Variants in ALDH1L1 observed in about 807,000 individuals in gnomAD.
ALDH1L1 encodes the protein cytosolic 10-formyltetrahydrofolate dehydrogenase.
A neutral mutation model predicts 101.1 loss-of-function variants in ALDH1L1; 68 were observed. The observed-to-expected ratio is 0.67, with a 90% CI of 0.55 to 0.82. The LOEUF (loss-of-function observed/expected upper bound fraction) is 0.82. ALDH1L1 is among the 40% of genes least tolerant of loss of function. The probability of loss-of-function intolerance (pLI) is 0.00; values close to 1 mark genes in which losing one functional copy is unlikely to be tolerated. For missense variants in ALDH1L1, 1,087 were observed against 1,172.7 expected, an observed-to-expected ratio of 0.93 and a Z score of 1.07; for synonymous variants, 486 against 470.8, an observed-to-expected ratio of 1.03 and a Z score of -0.42.
chr3:126,136,667 A>G, intron 11 of ALDH1L1, 97 bp downstream of exon 11: 6 of 1,506,028 alleles, frequency 4.0e-6, no homozygotes, highest in Non-Finnish European at 4.5e-6. Context: ...CCAAGCAGAG[A>G]CTCTCAGGGT....
chr3:126,127,747 C>T (rs1009560231), intron 14 of ALDH1L1, among the ~76,000 whole-genome samples: 6 of 152,132 alleles, frequency 3.9e-5, no homozygotes, highest in African/African-American at 7.2e-5. Flanking sequence ...TCTGGCACCG[C>T]GTGCAGGCAC....
In ALDH1L1 at chr3:126,135,639, G is replaced by A. The variant is rs1224650688; in HGVS notation, c.1368C>T (p.Ala456=). ...CTGCCTTGTCGACGTCGGTGACTTG[G>A]GCCAGGGATACCTGGCAGATGACCT... ...DGSVICQVSL[A]QVTDVDKAVA... is the part of the protein sequence containing the mutation. Residue 456 remains alanine (A), a synonymous_variant, in exon 12 of 23, where the codon GCC becomes GCT. Transcript: ENST00000393434. 3.2e-6 allele frequency: 5 copies of A among 1,573,242 alleles called. No homozygotes were observed. The East Asian group carries it at 1.2e-4, about 38-fold the overall frequency.
intron 14 of ALDH1L1, among the ~76,000 whole-genome samples, chr3:126,126,754 C>T (rs912097386): frequency 6.6e-6 from 1 of 152,208 alleles, no homozygotes. Context: ...CTCCCCAATT[C>T]GTATGCTGAA....
chr3:126,161,119 G>T, intron 1 of ALDH1L1, 117 bp from the exon 2 acceptor site: 2 of 1,239,876 alleles, frequency 1.6e-6, no homozygotes, highest in Non-Finnish European at 2.2e-6. Context: ...TCCCCTCTGT[G>T]GCTCTGTGGG....
chr3:126,165,495 T>C (rs761379775), intron 1 of ALDH1L1, among the ~76,000 whole-genome samples: 7 of 152,164 alleles, frequency 4.6e-5, no homozygotes, highest in Non-Finnish European at 8.8e-5. Flanking sequence ...TTCAATAGGA[T>C]TGGTGTCATT....
chr3:126,111,708 T>C (rs1197183496), intron 19 of ALDH1L1, among the ~76,000 whole-genome samples: 4 of 152,176 alleles, frequency 2.6e-5, no homozygotes, highest in Non-Finnish European at 5.9e-5. Context: ...TCATAGGCCG[T>C]CTTTTTCCCT....
At chr3:126,175,021 G>C (rs1196925789) in intron 1 of ALDH1L1, among the ~76,000 whole-genome samples, 1 of 152,034 alleles carries the variant, frequency 6.6e-6, no homozygotes, top group Non-Finnish European at 1.5e-5. Flanking sequence ...AAGAAAAAGA[G>C]AGAAGACTCA....
intron 1 of ALDH1L1, 188 bp downstream of exon 1, chr3:126,180,288 C>T (rs1267943931): frequency 8.2e-6 from 2 of 244,676 alleles, no homozygotes; most frequent in East Asian, 3.6e-4. Flanking sequence ...GCCTCAATTG[C>T]TCCAAAGAAC....
At chr3:126,173,093 A>G (rs753117973) in intron 1 of ALDH1L1, among the ~76,000 whole-genome samples, 1 of 152,226 alleles carries the variant, frequency 6.6e-6, no homozygotes, top group African/African-American at 2.4e-5. Context: ...GCCTTACAAG[A>G]TATGTTAAAA....
upstream of ALDH1L1, chr3:126,181,111 A>G: frequency 9.8e-7 from 1 of 1,016,652 alleles, no homozygotes; most frequent in Non-Finnish European, 1.5e-6. Context: ...TCTCCGAGAG[A>G]AAAACAGCCC....
At chr3:126,182,971 T>C (rs2081489434), upstream of ALDH1L1, among the ~76,000 whole-genome samples, 1 of 152,126 alleles carries the variant, frequency 6.6e-6, no homozygotes, top group Admixed American at 6.5e-5. Flanking sequence ...AAAGGAACCA[T>C]AACTTGGGCT....
At chr3:126,172,624 A>G (rs1383368182) in intron 1 of ALDH1L1, among the ~76,000 whole-genome samples, 2 of 152,220 alleles carry the variant, frequency 1.3e-5, no homozygotes, top group Non-Finnish European at 2.9e-5. Flanking sequence ...TAGGGATATC[A>G]GATGGAATAA....
intron 1 of ALDH1L1, among the ~76,000 whole-genome samples, chr3:126,190,939 G>A (rs763612668): frequency 6.6e-6 from 1 of 152,228 alleles, no homozygotes; most frequent in Non-Finnish European, 1.5e-5. Context: ...AGGTTAGGCT[G>A]ATTTAAATTG....
At chr3:126,175,907 T>A (rs1317455858) in intron 1 of ALDH1L1, among the ~76,000 whole-genome samples, 1 of 152,172 alleles carries the variant, frequency 6.6e-6, no homozygotes, top group Non-Finnish European at 1.5e-5. Flanking sequence ...AAACTGTTCT[T>A]GTTCTCAAAA....
intron 1 of ALDH1L1, among the ~76,000 whole-genome samples, chr3:126,188,553 C>A (rs1310468160): frequency 6.6e-6 from 1 of 152,126 alleles, no homozygotes; most frequent in African/African-American, 2.4e-5. Context: ...ATTTAACAAC[C>A]CCTTCCTTTT....
chr3:126,134,325 C>T lies in ALDH1L1; in HGVS notation c.1472+1210G>A, dbSNP rs945545152. 5.3e-5 allele frequency among the ~76,000 whole-genome samples: 8 copies of T among 152,322 alleles called. No individual in the cohort carries two copies. The South Asian group carries it at 1.7e-3, about 32-fold the overall frequency. On this transcript the variant is annotated intron_variant, in intron 12 of 22. Coordinates refer to ENST00000393434, the MANE Select transcript of ALDH1L1 (RefSeq NM_012190.4). ...GAGTAGAATCTGTTATGATACAAGC[C>T]ACCAGATGGCAGCAGAGGCCAAGGG...
intron 16 of ALDH1L1, among the ~76,000 whole-genome samples, chr3:126,122,087 A>T (rs2080090831): frequency 6.6e-6 from 1 of 152,228 alleles, no homozygotes. Context: ...TACATCTAGC[A>T]ATACTGTGTT....
chr3:126,135,581 G>A lies in ALDH1L1; in HGVS notation c.1426C>T (p.Arg476Trp), dbSNP rs200654935. The change falls in exon 12 of 23, where the codon CGG becomes TGG. Residue 476 changes from arginine (R) to tryptophan (W), a missense_variant. Arg to Trp is a moderately radical substitution (Grantham distance 101, BLOSUM62 -3). This residue lies in a region of ALDH1L1 where 645 missense variants were observed against 637.0 expected (regional missense o/e 1.01). Transcript: ENST00000393434. ...AAAKDAFENGRWGKISARDRG... is the reference protein window; with the variant it reads ...AAAKDAFENGWWGKISARDRG... ...TCCCGCGCACTGATCTTCCCCCACC[G>A]TCCATTCTCAAAGGCATCCTTGGCT... is the stretch of plus-strand genomic sequence containing the variant. The A allele has an allele frequency of 4.5e-5, 72 of 1,600,886 alleles. No homozygotes were observed. Among genetic ancestry groups the A allele is most frequent in the South Asian group, 2.4e-4 (21 of 88,986 alleles).
chr3:126,197,506 A>T (rs2081588267), intron 1 of ALDH1L1, among the ~76,000 whole-genome samples: 1 of 152,192 alleles, frequency 6.6e-6, no homozygotes, highest in Admixed American at 6.5e-5. Flanking sequence ...AGTCAGATGT[A>T]AGAGTCCTCT....
Sources: allele counts gnomAD v4.1 joint callset (sites outside exome capture counted in the v4.1 genomes callset), GRCh38; gene constraint gnomAD v4.1.1; regional missense constraint gnomAD v4.1.1; transcripts MANE v1.5; gene names NCBI Gene and HGNC (gene_info 2026-07-23, HGNC 2026-07-21).